Variants in NCOA2 observed in about 807,000 individuals in gnomAD.
NCOA2 encodes the protein nuclear receptor coactivator 2.
A neutral mutation model predicts 145.1 loss-of-function variants in NCOA2; 21 were observed. The observed-to-expected ratio is 0.14, with a 90% CI of 0.10 to 0.21. The LOEUF (loss-of-function observed/expected upper bound fraction) is 0.21, where lower values mean the gene tolerates loss of function less well. NCOA2 is among the 10% of genes least tolerant of loss of function. The pLI is 1.00. For synonymous variants in NCOA2, 619 were observed against 637.5 expected (o/e 0.97, Z 0.44); for missense variants, 1,472 against 1,837.6 (o/e 0.80, Z 3.64).
intron 2 of NCOA2, among the ~76,000 whole-genome samples, chr8:70,291,163 T>A (rs1826650888): frequency 6.6e-6 from 1 of 152,132 alleles, no homozygotes; most frequent in Non-Finnish European, 1.5e-5. Context: ...AACAAACAGA[T>A]ATGTATTTTA....
At chr8:70,347,163 C>T (rs371550801) in intron 1 of NCOA2, among the ~76,000 whole-genome samples, 13 of 152,164 alleles carry the variant, frequency 8.5e-5, no homozygotes, top group African/African-American at 2.4e-4. Flanking sequence ...GCCTGGGCAA[C>T]GTGGCGAAAC....
Position 70,216,679 on chromosome 8 carries a change from G to A in NCOA2, c.67C>T (p.Pro23Ser), listed in dbSNP as rs1379336977. Residue 23 changes from proline to serine, a missense_variant, in exon 3 of 23, where the codon CCT becomes TCT. Physicochemically the swap from Pro to Ser is moderately conservative, Grantham distance 74. Coordinates refer to ENST00000452400, the MANE Select transcript of NCOA2 (RefSeq NM_006540.4). The part of the protein sequence containing the change: ...RAETRKRKEC[P>S]DQLGPSPKRN... ...TCTAACCTGGGTCCAAGTTGGTCAG[G>A]ACATTCCTTGCGCTTTCTTGTCTCT... 1 of 1,613,474 alleles carries A rather than the reference G, an allele frequency of 6.2e-7. No individual in the cohort carries two copies. Among genetic ancestry groups the A allele is most frequent in the Admixed American group, 1.7e-5 (1 of 59,992 alleles).
intron 4 of NCOA2, among the ~76,000 whole-genome samples, chr8:70,193,969 TCAGA>T (rs1368658307): frequency 6.6e-6 from 1 of 152,216 alleles, no homozygotes; most frequent in Non-Finnish European, 1.5e-5. Flanking sequence ...CTCTTCTTCC[TCAGA>T]CAAAATTTCT....
intron 1 of NCOA2, among the ~76,000 whole-genome samples, chr8:70,341,169 T>C (rs549255872): frequency 1.7e-4 from 25 of 150,880 alleles, no homozygotes; most frequent in African/African-American, 5.6e-4. Context: ...GGTGGGAGGA[T>C]TGCTTGAGGT....
Position 70,342,750 on chromosome 8 carries a change from T to TA in NCOA2, c.-76-45951dup, listed in dbSNP as rs1354026279. 3.0e-5 allele frequency among the ~76,000 whole-genome samples: 4 copies of TA among 131,308 alleles called. No individual in the cohort carries two copies. In the Admixed American group the frequency reaches 3.2e-4, roughly 10 times the overall value. The allele number at this position is 131,308 out of a possible 152,430, so 86.1% of individuals were successfully genotyped here. On this transcript the variant is annotated intron_variant, in intron 1 of 22. Coordinates refer to ENST00000452400, the MANE Select transcript of NCOA2 (RefSeq NM_006540.4). ...AAAGGACTTCTCCCTAGCCCAAACT[T>TA]ACACACTTTTCTTCTTTTGCAATTA...
rs111954545 is a variant in NCOA2 at position 70,221,995 on chromosome 8, T to C, written c.-19-5231A>G. On this transcript the variant is annotated intron_variant, in intron 2 of 22. Coordinates refer to ENST00000452400, the MANE Select transcript of NCOA2 (RefSeq NM_006540.4). The stretch of plus-strand genomic sequence containing the variant: ...TTTTACTAGATCATAAGGGCTCTTT[T>C]AACGTCATCTTTACGTAATACTGTA... Among the ~76,000 whole-genome samples, 465 of 152,318 alleles carry C rather than the reference T, an allele frequency of 3.1e-3. 5 individuals are homozygous for C. Among genetic ancestry groups the C allele is most frequent in the African/African-American group, 0.011 (452 of 41,580 alleles).
chr8:70,170,488 GAA>G, intron 5 of NCOA2, 109 bp from the exon 6 acceptor site: 3 of 904,146 alleles, frequency 3.3e-6, no homozygotes, highest in South Asian at 2.1e-5. Context: ...CACACAGATA[GAA>G]AAGAGATCTT....
intron 5 of NCOA2, among the ~76,000 whole-genome samples, chr8:70,172,312 G>T (rs1326005624): frequency 2.0e-5 from 3 of 152,190 alleles, no homozygotes; most frequent in Non-Finnish European, 4.4e-5. Context: ...ATACAACAAT[G>T]AATTTGGTGG....
Position 70,178,336 on chromosome 8 carries a change from C to T in NCOA2, c.260-3477G>A, listed in dbSNP as rs556178557. On this transcript the variant is annotated intron_variant, in intron 4 of 22. Transcript: ENST00000452400. ...CACAAAACATGTGTTTGAGGAACAA[C>T]TGGAGGAAAGCCTGGATAAAAATAA... 1.1e-4 allele frequency among the ~76,000 whole-genome samples: 16 copies of T among 152,262 alleles called. No individual in the cohort carries two copies. The South Asian group carries it at 1.2e-3, about 12-fold the overall frequency.
At chr8:70,146,832 A>C (rs1259915976) in intron 12 of NCOA2, among the ~76,000 whole-genome samples, 1 of 151,752 alleles carries the variant, frequency 6.6e-6, no homozygotes, top group Admixed American at 6.6e-5. Context: ...AGTAGCTGGG[A>C]TTACAGGCGC....
At chr8:70,171,607 C>T (rs962681556) in intron 5 of NCOA2, among the ~76,000 whole-genome samples, 9 of 152,216 alleles carry the variant, frequency 5.9e-5, no homozygotes, top group Non-Finnish European at 1.3e-4. Context: ...ATTGATTCAT[C>T]ATACCTGGGA....
chr8:70,350,701 A>G (rs910711720), intron 1 of NCOA2, among the ~76,000 whole-genome samples: 1 of 152,218 alleles, frequency 6.6e-6, no homozygotes, highest in South Asian at 2.1e-4. Flanking sequence ...AATCCCCTAA[A>G]TAACTCCAGT....
At chr8:70,208,145 T>C (rs1818655341) in intron 4 of NCOA2, among the ~76,000 whole-genome samples, 1 of 152,044 alleles carries the variant, frequency 6.6e-6, no homozygotes, top group Non-Finnish European at 1.5e-5. Context: ...TTTGCTGATA[T>C]GCACAAAGTT....
intron 15 of NCOA2, among the ~76,000 whole-genome samples, chr8:70,136,002 C>G (rs1000014334): frequency 2.0e-5 from 3 of 152,174 alleles, no homozygotes; most frequent in Admixed American, 6.5e-5. Flanking sequence ...AAAGCAGCAG[C>G]TACTGAATGA....
chr8:70,303,850 G>A (rs1289739326), intron 1 of NCOA2, among the ~76,000 whole-genome samples: 1 of 151,992 alleles, frequency 6.6e-6, no homozygotes, highest in African/African-American at 2.4e-5. Flanking sequence ...GAGGTAAAAG[G>A]CTCAGGGATA....
intron 4 of NCOA2, among the ~76,000 whole-genome samples, chr8:70,208,955 TG>T (rs1258797471): frequency 6.6e-6 from 1 of 152,238 alleles, no homozygotes; most frequent in African/African-American, 2.4e-5. Flanking sequence ...AAATACACTT[TG>T]TAAGGGTGTA....
At chr8:70,152,735 C>T (rs528738032) in intron 11 of NCOA2, among the ~76,000 whole-genome samples, 14 of 152,236 alleles carry the variant, frequency 9.2e-5, no homozygotes, top group East Asian at 5.8e-4. Flanking sequence ...CCACTCTGCT[C>T]GGTAAAAAAT....
intron 1 of NCOA2, among the ~76,000 whole-genome samples, chr8:70,386,175 T>C (rs1354147032): frequency 6.6e-6 from 1 of 152,228 alleles, no homozygotes; most frequent in Non-Finnish European, 1.5e-5. Flanking sequence ...CAAAAGTCAC[T>C]TGAAAACTCT....
intron 2 of NCOA2, among the ~76,000 whole-genome samples, chr8:70,217,237 C>T (rs1362511519): frequency 6.6e-6 from 1 of 152,182 alleles, no homozygotes; most frequent in Non-Finnish European, 1.5e-5. Flanking sequence ...TGCCAGGACA[C>T]GAAATTGAAG....
Sources: allele counts gnomAD v4.1 joint callset (sites outside exome capture counted in the v4.1 genomes callset), GRCh38; gene constraint gnomAD v4.1.1; transcripts MANE v1.5; gene names NCBI Gene and HGNC (gene_info 2026-07-23, HGNC 2026-07-21).